AZIN1: variants seen among roughly 807,000 people sequenced by gnomAD.
AZIN1 encodes antizyme inhibitor 1.
AZIN1 carries 12 observed loss-of-function variants against 47.4 expected under a neutral mutation model. The observed-to-expected ratio is 0.25, with a 90% CI of 0.16 to 0.41. The LOEUF is 0.41. Among genes scored for constraint, AZIN1 ranks in the 10% least tolerant of loss-of-function variants. The probability of loss-of-function intolerance (pLI) is 1.00; values close to 1 mark genes in which losing one functional copy is unlikely to be tolerated. For missense variants in AZIN1, 410 were observed against 532.4 expected (o/e 0.77, Z 2.26); for synonymous variants, 155 against 176.3 (o/e 0.88, Z 0.96).
At position 102,833,046 on chromosome 8, in the gene AZIN1, TATAA is replaced by T. The variant is rs1563530451; in HGVS notation, c.904+6_904+9del. On this transcript the variant is annotated splice_donor_region_variant and intron_variant, in intron 9 of 11. Coordinates refer to ENST00000337198, the MANE Select transcript of AZIN1 (RefSeq NM_148174.4). ...CCAACAAAAATAAAACTATAAACTT[TATAA>T]CTTACCTCCAGAGGGAAATTTATCA... The T allele has an allele frequency of 1.9e-6, 3 of 1,594,820 alleles. No homozygotes were observed. The highest frequency in any genetic ancestry group is 2.6e-6 in the Non-Finnish European group (3 of 1,163,902).
intron 9 of AZIN1, among the ~76,000 whole-genome samples, chr8:102,831,601 C>G (rs1320892197): frequency 6.8e-6 from 1 of 146,688 alleles, no homozygotes; most frequent in Non-Finnish European, 1.5e-5. Flanking sequence ...TGAGATCATG[C>G]CACTGCATTC....
intron 2 of AZIN1, among the ~76,000 whole-genome samples, chr8:102,846,060 T>C (rs1395773540): frequency 1.3e-5 from 2 of 152,344 alleles, no homozygotes; most frequent in East Asian, 3.9e-4. Context: ...CATAGTCTAA[T>C]ATATATGTAG....
intron 8 of AZIN1, among the ~76,000 whole-genome samples, chr8:102,833,466 G>GT (rs1282356342): frequency 7.3e-6 from 1 of 136,848 alleles, no homozygotes; most frequent in Non-Finnish European, 1.6e-5. Context: ...ACTGGTATTT[G>GT]TTTTTGTTTT....
At chr8:102,831,641 CA>C (rs35860063) in intron 9 of AZIN1, among the ~76,000 whole-genome samples, 22,301 of 83,832 alleles carry the variant, frequency 0.27, 2,464 homozygotes, top group African/African-American at 0.46. Flanking sequence ...AAAACAGTCT[CA>C]AAAAAAAAAA....
rs1811229399 is a variant in AZIN1, at chr8:102,828,541, A to C, written c.*26T>G. ...CCAGACAAGCTTAACCTGCAACTTC[A>C]GATCTAAAGAAGCGTTAATGCCTGT... On this transcript the variant is annotated 3_prime_UTR_variant, in exon 12 of 12. Coordinates refer to ENST00000337198, the MANE Select transcript of AZIN1 (RefSeq NM_148174.4). 3.4e-6 allele frequency: 5 copies of C among 1,466,766 alleles called. No individual in the cohort carries two copies. Among genetic ancestry groups the C allele is most frequent in the Non-Finnish European group, 3.8e-6 (4 of 1,057,068 alleles). The allele number at this position is 1,466,766 out of a possible 1,614,324, so 90.9% of individuals were successfully genotyped here. A position where few individuals can be genotyped will look rare whatever the true frequency, so the allele number is the denominator to read the frequency against.
In AZIN1 at chr8:102,834,275, A is replaced by G. The variant is rs1287104143; in HGVS notation, c.667-12T>C. ...AAGCCAATTTCTCCCTAGAGATGGA[A>G]AAAAAAAATTTAAATGTTTTTCCAA... On this transcript the variant is annotated splice_polypyrimidine_tract_variant and intron_variant, in intron 7 of 11. Transcript: ENST00000337198. The G allele has an allele frequency of 6.2e-7, 1 of 1,604,080 alleles. No homozygotes were observed. Among genetic ancestry groups the G allele is most frequent in the Middle Eastern group, 1.7e-4 (1 of 6,038 alleles).
At chr8:102,837,394 A>C (rs919497340) in intron 5 of AZIN1, among the ~76,000 whole-genome samples, 7 of 152,238 alleles carry the variant, frequency 4.6e-5, no homozygotes, top group Non-Finnish European at 8.8e-5. Context: ...AGAAGTTGAA[A>C]ATATACAAAT....
At chr8:102,842,308 G>A (rs1223338721) in intron 3 of AZIN1, among the ~76,000 whole-genome samples, 2 of 152,144 alleles carry the variant, frequency 1.3e-5, no homozygotes, top group East Asian at 1.9e-4. Context: ...AGTGGCTCAC[G>A]CCTGTTAATC....
Position 102,826,424 on chromosome 8 carries a change from T to C in AZIN1, c.*2143A>G, listed in dbSNP as rs1811115029. 6.5e-6 allele frequency: 1 copy of C among 152,678 alleles called. No homozygotes were observed. The highest frequency in any genetic ancestry group is 6.5e-5 in the Admixed American group (1 of 15,280). 9.5% of individuals were successfully genotyped at this position (152,678 alleles called of 1,614,324 possible). A position where few individuals can be genotyped will look rare whatever the true frequency, so the allele number is the denominator to read the frequency against. ...AAGTTACCTTTACAGTTCAATTTAC[T>C]ATATAGAAATCATTGGGTTTTATAT... On this transcript the variant is annotated 3_prime_UTR_variant, in exon 12 of 12. Coordinates refer to ENST00000337198, the MANE Select transcript of AZIN1 (RefSeq NM_148174.4).
At chr8:102,832,181 T>C (rs900308925) in intron 9 of AZIN1, among the ~76,000 whole-genome samples, 2 of 152,106 alleles carry the variant, frequency 1.3e-5, no homozygotes, top group Non-Finnish European at 2.9e-5. Flanking sequence ...TGAGAAACTT[T>C]ATCTAGATTC....
chr8:102,837,287 T>A (rs1811882566), intron 5 of AZIN1, among the ~76,000 whole-genome samples: 1 of 152,276 alleles, frequency 6.6e-6, no homozygotes, highest in Non-Finnish European at 1.5e-5. Context: ...GATTCAAATC[T>A]ATTTGGTATT....
chr8:102,833,288 T>G, intron 8 of AZIN1, 70 bp from the exon 9 acceptor site: 3 of 1,432,932 alleles, frequency 2.1e-6, no homozygotes, highest in Non-Finnish European at 2.8e-6. Context: ...CAGAGATTGA[T>G]ATTAACAAAA....
At chr8:102,861,048 G>A (rs1477241813) in intron 1 of AZIN1, among the ~76,000 whole-genome samples, 1 of 152,098 alleles carries the variant, frequency 6.6e-6, no homozygotes, top group African/African-American at 2.4e-5. Flanking sequence ...AAAAATTGGC[G>A]AAATCCAAAT....
chr8:102,829,479 T>C lies in AZIN1; in HGVS notation c.1028A>G (p.Lys343Arg), dbSNP rs1466132824. ...GCTTGTAAACAGAGGCTCATCTTCC[T>C]TGTATTTCTGTAGGAAAAGTTTTAC... ...NTIPEVHKKY[K>R]EDEPLFTSSL... Residue 343 changes from lysine to arginine, a missense_variant, in exon 11 of 12, where the codon AAG becomes AGG. Coordinates refer to ENST00000337198, the MANE Select transcript of AZIN1 (RefSeq NM_148174.4). 1.9e-6 allele frequency: 3 copies of C among 1,598,614 alleles called. No individual in the cohort carries two copies. The highest frequency in any genetic ancestry group is 1.4e-5 in the African/African-American group (1 of 73,920).
intron 2 of AZIN1, among the ~76,000 whole-genome samples, chr8:102,854,279 GAGGA>G (rs912125045): frequency 3.3e-5 from 5 of 151,976 alleles, no homozygotes; most frequent in African/African-American, 1.2e-4. Context: ...AGTGAAACAT[GAGGA>G]AGGAGTACTA....
At chr8:102,849,887 C>CCACA (rs1472813545) in intron 2 of AZIN1, 1 of 152,128 alleles carries the variant, frequency 6.6e-6, no homozygotes, top group Non-Finnish European at 1.5e-5. Flanking sequence ...CTCCAAAGAA[C>CCACA]CACACACTGC....
At chr8:102,852,753 A>G (rs548192445) in intron 2 of AZIN1, among the ~76,000 whole-genome samples, 10 of 152,334 alleles carry the variant, frequency 6.6e-5, no homozygotes, top group Admixed American at 1.3e-4. Flanking sequence ...TGTAAAAAAC[A>G]GTGGATTAAC....
At chr8:102,839,575 T>C in intron 4 of AZIN1, 75 bp downstream of exon 4, 3 of 1,081,642 alleles carry the variant, frequency 2.8e-6, no homozygotes, top group Non-Finnish European at 2.5e-6. Flanking sequence ...CTTGCATTTG[T>C]TCTCTAACCG....
chr8:102,843,831 A>C (rs760949841), intron 2 of AZIN1, 84 bp from the exon 3 acceptor site: 462 of 942,480 alleles, frequency 4.9e-4, no homozygotes, highest in Non-Finnish European at 6.1e-4. Flanking sequence ...TAAGTGCCTA[A>C]TTTAGTGAGG....
Sources: allele counts gnomAD v4.1 joint callset (sites outside exome capture counted in the v4.1 genomes callset), GRCh38; gene constraint gnomAD v4.1.1; transcripts MANE v1.5; gene names NCBI Gene and HGNC (gene_info 2026-07-23, HGNC 2026-07-21).